TRPM3: variants seen among roughly 807,000 people sequenced by gnomAD.
The protein encoded by TRPM3 is long transient receptor potential channel 3.
A neutral mutation model predicts 181.2 loss-of-function variants in TRPM3; 77 were observed. The ratio of observed to expected loss-of-function variants is 0.42; its 90% CI spans 0.35 to 0.51. The LOEUF (loss-of-function observed/expected upper bound fraction) is 0.51. TRPM3 is among the 20% of genes least tolerant of loss of function. TRPM3 has a pLI of 0.01. For synonymous variants in TRPM3, 745 were observed against 796.4 expected, an observed-to-expected ratio of 0.94 and a Z score of 1.09; for missense variants, 1,759 against 2,196.7, an observed-to-expected ratio of 0.80 and a Z score of 3.98.
In TRPM3 at chr9:70,594,834, G is replaced by T. The variant is rs529184859; in HGVS notation, c.3048+3585C>A. ...ACTCCCTAATGTTGAGAGGCTTTCAGTATAACACATCTGGGCACATTTTCT... is the reference window on the plus strand; with the variant it reads ...ACTCCCTAATGTTGAGAGGCTTTCATTATAACACATCTGGGCACATTTTCT... On this transcript the variant is annotated intron_variant, in intron 21 of 25. Coordinates refer to ENST00000677713, the MANE Select transcript of TRPM3 (RefSeq NM_001366145.2). Among the ~76,000 whole-genome samples the T allele has an allele frequency of 4.6e-5, 7 of 152,284 alleles. No individual in the cohort carries two copies. The South Asian group carries it at 1.5e-3, about 32-fold the overall frequency.
intron 8 of TRPM3, among the ~76,000 whole-genome samples, chr9:70,694,416 C>T (rs1408755704): frequency 1.3e-5 from 2 of 152,172 alleles, no homozygotes; most frequent in African/African-American, 4.8e-5. Flanking sequence ...CTGTCTCCTA[C>T]TTCATACATT....
chr9:71,111,040 A>G (rs1175083297), intron 1 of TRPM3, among the ~76,000 whole-genome samples: 4 of 152,200 alleles, frequency 2.6e-5, no homozygotes, highest in African/African-American at 9.6e-5. Context: ...CTGGATAACC[A>G]TCAATCAAAC....
chr9:71,389,849 G>A (rs558335734), intron 1 of TRPM3, among the ~76,000 whole-genome samples: 4 of 151,946 alleles, frequency 2.6e-5, no homozygotes, highest in East Asian at 1.9e-4. Flanking sequence ...GTAGGAATGG[G>A]GCAAGGGATA....
chr9:71,156,839 T>C (rs1719419761), intron 1 of TRPM3, among the ~76,000 whole-genome samples: 1 of 151,996 alleles, frequency 6.6e-6, no homozygotes. Context: ...GCATTCCAAA[T>C]TGGTTTGCAA....
At chr9:71,111,010 G>A (rs1189350154) in intron 1 of TRPM3, among the ~76,000 whole-genome samples, 1 of 152,016 alleles carries the variant, frequency 6.6e-6, no homozygotes, top group African/African-American at 2.4e-5. Flanking sequence ...ACAAAATAAT[G>A]GTAAAAATTA....
intron 1 of TRPM3, among the ~76,000 whole-genome samples, chr9:71,409,546 A>C (rs117721917): frequency 6.6e-6 from 1 of 152,360 alleles, no homozygotes; most frequent in East Asian, 1.9e-4. Flanking sequence ...GGATCAATTC[A>C]ACAAGTGCTA....
At chr9:70,676,228 T>TCAC in intron 9 of TRPM3, among the ~76,000 whole-genome samples, 1 of 152,320 alleles carries the variant, frequency 6.6e-6, no homozygotes, top group Non-Finnish European at 1.5e-5. Context: ...GAACACAAAT[T>TCAC]TCTCATTTAT....
At chr9:71,277,363 T>C (rs2084298220) in intron 1 of TRPM3, among the ~76,000 whole-genome samples, 1 of 152,232 alleles carries the variant, frequency 6.6e-6, no homozygotes, top group South Asian at 2.1e-4. Flanking sequence ...ATTCTTACAC[T>C]GCATTTATTT....
intron 1 of TRPM3, among the ~76,000 whole-genome samples, chr9:71,231,097 T>C (rs2081021658): frequency 1.3e-5 from 2 of 152,314 alleles, no homozygotes; most frequent in East Asian, 3.9e-4. Context: ...TACATACTGA[T>C]GTAGGCTGAA....
At chr9:70,645,749 A>T (rs1006801574) in intron 9 of TRPM3, among the ~76,000 whole-genome samples, 28 of 152,106 alleles carry the variant, frequency 1.8e-4, no homozygotes, top group African/African-American at 3.9e-4. Flanking sequence ...CAGCAAAAAA[A>T]AAAAATAAAA....
intron 1 of TRPM3, among the ~76,000 whole-genome samples, chr9:71,058,334 T>C (rs1017534590): frequency 1.1e-4 from 17 of 151,984 alleles, no homozygotes; most frequent in Non-Finnish European, 2.1e-4. Context: ...CAGGCCCTCT[T>C]GATATTAATA....
intron 4 of TRPM3, among the ~76,000 whole-genome samples, chr9:70,844,823 T>C (rs2094884608): frequency 6.6e-6 from 1 of 152,200 alleles, no homozygotes; most frequent in Non-Finnish European, 1.5e-5. Flanking sequence ...AAATAGAGTA[T>C]TGGTAAGACT....
At chr9:71,263,136 G>A (rs2083175909) in intron 1 of TRPM3, among the ~76,000 whole-genome samples, 1 of 152,132 alleles carries the variant, frequency 6.6e-6, no homozygotes, top group South Asian at 2.1e-4. Flanking sequence ...TAAGTTTTTT[G>A]TCTTTTACTT....
At chr9:71,430,831 GA>G (rs2093943594) in intron 1 of TRPM3, among the ~76,000 whole-genome samples, 1 of 152,044 alleles carries the variant, frequency 6.6e-6, no homozygotes, top group Non-Finnish European at 1.5e-5. Context: ...GAATGCTTGT[GA>G]AAGGGGTATT....
chr9:71,048,343 T>A (rs2059696056), intron 1 of TRPM3, among the ~76,000 whole-genome samples: 2 of 152,218 alleles, frequency 1.3e-5, no homozygotes, highest in African/African-American at 2.4e-5. Context: ...CCTCATTTTA[T>A]GTCAAAGAAT....
At chr9:70,608,198 C>G (rs1401576790) in intron 19 of TRPM3, among the ~76,000 whole-genome samples, 1 of 152,234 alleles carries the variant, frequency 6.6e-6, no homozygotes, top group Non-Finnish European at 1.5e-5. Flanking sequence ...GCCAGAGTCT[C>G]TGAGCCTACT....
intron 1 of TRPM3, among the ~76,000 whole-genome samples, chr9:71,187,868 C>T (rs2077766720): frequency 6.6e-6 from 1 of 150,810 alleles, no homozygotes; most frequent in Non-Finnish European, 1.5e-5. Context: ...AACATATCTT[C>T]AAGACAGACA....
chr9:70,667,199 G>A (rs938844407), intron 9 of TRPM3, among the ~76,000 whole-genome samples: 7 of 151,944 alleles, frequency 4.6e-5, no homozygotes, highest in Admixed American at 3.3e-4. Flanking sequence ...GCATAAGAGT[G>A]CTGACTGGAA....
chr9:71,186,362 C>G (rs1202914098), intron 1 of TRPM3, among the ~76,000 whole-genome samples: 1 of 152,036 alleles, frequency 6.6e-6, no homozygotes, highest in East Asian at 1.9e-4. Flanking sequence ...TTTAAACTAT[C>G]TGCCAACTAT....
Sources: gnomAD v4.1 joint callset for allele counts (sites outside exome capture counted in the v4.1 genomes callset) on GRCh38, gnomAD v4.1.1 for gene constraint, MANE v1.5 for transcripts, NCBI Gene and HGNC (gene_info 2026-07-23, HGNC 2026-07-21) for gene names.